Variants in PUS7L observed in about 807,000 individuals in gnomAD.
PUS7L encodes pseudouridine synthase 7 like.
PUS7L carries 49 observed loss-of-function variants against 51.1 expected under a neutral mutation model. The observed-to-expected ratio is 0.96, with a 90% CI of 0.76 to 1.22. The LOEUF is 1.22. Ranked by LOEUF, PUS7L falls within the 50% of genes most tolerant of loss-of-function variation. The pLI is 0.00. For synonymous variants in PUS7L, 277 were observed against 276.2 expected, an observed-to-expected ratio of 1.00 and a Z score of -0.03; for missense variants, 828 against 820.6, an observed-to-expected ratio of 1.01 and a Z score of -0.11.
At chr12:43,747,475 T>C (rs1938224415) in intron 3 of PUS7L, among the ~76,000 whole-genome samples, 2 of 151,946 alleles carry the variant, frequency 1.3e-5, no homozygotes, top group African/African-American at 2.4e-5. Flanking sequence ...GGGTGGATCA[T>C]CTGAAGTCAG....
At position 43,723,233 on chromosome 12, in the gene PUS7L, T is replaced by C. The variant is rs1280782001; in HGVS notation, c.*7143A>G. ...GCCTCAAAGTTGCTGAGAAAATGAA[T>C]TGCTTAAGAAGATTAGAGTCATTTT... On this transcript the variant is annotated 3_prime_UTR_variant, in exon 9 of 9. Transcript: ENST00000344862. The C allele has an allele frequency of 6.6e-6, 1 of 152,114 alleles. No individual in the cohort carries two copies. Among genetic ancestry groups the C allele is most frequent in the African/African-American group, 2.4e-5 (1 of 41,436 alleles). 9.4% of individuals were successfully genotyped at this position (152,114 alleles called of 1,614,324 possible).
Position 43,727,223 on chromosome 12 carries a change from A to G in PUS7L, c.*3153T>C, listed in dbSNP as rs780639073. Reference sequence around the variant, plus strand: ...GAGGCTGCAGAGAAAAGGGAATGCTATACACTGCTGATGGGAATATAAATT... The same window carrying G: ...GAGGCTGCAGAGAAAAGGGAATGCTGTACACTGCTGATGGGAATATAAATT... On this transcript the variant is annotated 3_prime_UTR_variant, in exon 9 of 9. Coordinates refer to ENST00000344862, the MANE Select transcript of PUS7L (RefSeq NM_031292.5). The G allele has an allele frequency of 2.0e-5, 3 of 152,304 alleles. No individual in the cohort carries two copies. In the East Asian group the frequency reaches 5.8e-4, roughly 29 times the overall value. The allele number at this position is 152,304 out of a possible 1,614,324, so 9.4% of individuals were successfully genotyped here.
chr12:43,751,169 G>C (rs1938421307), intron 2 of PUS7L, among the ~76,000 whole-genome samples: 1 of 151,316 alleles, frequency 6.6e-6, no homozygotes, highest in South Asian at 2.1e-4. Context: ...GGCTAGGGCT[G>C]CAGTTATTTA....
In PUS7L at chr12:43,730,415, A is replaced by G; in HGVS notation, c.2067T>C (p.Ala689=). 1 of 1,613,792 alleles carries G rather than the reference A, an allele frequency of 6.2e-7. No homozygotes were observed. Among genetic ancestry groups the G allele is most frequent in the Non-Finnish European group, 8.5e-7 (1 of 1,179,798 alleles). The change falls in exon 9 of 9, where the codon GCT becomes GCC. Residue 689 remains alanine (A), a synonymous_variant. Coordinates refer to ENST00000344862, the MANE Select transcript of PUS7L (RefSeq NM_031292.5). ...ISFDLDASCY[A]TVCLKEIMKH... ...TCATTATTTCCTTCAGACAAACGGT[A>G]GCATAGCATGAAGCATCAAGATCAA... is the stretch of plus-strand genomic sequence containing the variant.
intron 2 of PUS7L, among the ~76,000 whole-genome samples, chr12:43,750,235 C>T (rs1162198930): frequency 6.6e-6 from 1 of 152,084 alleles, no homozygotes; most frequent in Non-Finnish European, 1.5e-5. Flanking sequence ...GGTGGATAAG[C>T]ATTTTTTCAC....
rs1429126213 is a variant in PUS7L, at chr12:43,724,744, G to T, written c.*5632C>A. On this transcript the variant is annotated 3_prime_UTR_variant, in exon 9 of 9. Coordinates refer to ENST00000344862, the MANE Select transcript of PUS7L (RefSeq NM_031292.5). ...TCTCTGATTTCAGGGATTCTCAACT[G>T]TACCAGTATATTTCCCATACTCTAA... 6.6e-6 allele frequency: 1 copy of T among 152,056 alleles called. No homozygotes were observed. The highest frequency in any genetic ancestry group is 2.4e-5 in the African/African-American group (1 of 41,402). The allele number at this position is 152,056 out of a possible 1,614,324, so 9.4% of individuals were successfully genotyped here. A position where few individuals can be genotyped will look rare whatever the true frequency, so the allele number is the denominator to read the frequency against.
At chr12:43,750,004 C>A (rs768990206) in intron 2 of PUS7L, among the ~76,000 whole-genome samples, 1 of 152,122 alleles carries the variant, frequency 6.6e-6, no homozygotes, top group Non-Finnish European at 1.5e-5. Flanking sequence ...ACACAATATA[C>A]CCTTGTAACA....
chr12:43,754,924 C>T lies in PUS7L; in HGVS notation c.322G>A (p.Glu108Lys). ...DQNHQSGSEK[E>K]DTIVDGTSKC... ...GAAGTTCCATCAACGATAGTATCTT[C>T]CTTTTCTGAACCAGACTGATGATTT... Residue 108 changes from glutamate (E) to lysine (K), a missense_variant, in exon 2 of 9, where the codon GAA becomes AAA. Glu to Lys is a moderately conservative substitution (Grantham distance 56). Coordinates refer to ENST00000344862, the MANE Select transcript of PUS7L (RefSeq NM_031292.5). 1 of 1,613,864 alleles carries T rather than the reference C, an allele frequency of 6.2e-7. No individual in the cohort carries two copies. The highest frequency in any genetic ancestry group is 8.5e-7 in the Non-Finnish European group (1 of 1,179,852).
rs1435924461 is a variant in PUS7L at position 43,726,251 on chromosome 12, G to T, written c.*4125C>A. 6.6e-6 allele frequency: 1 copy of T among 152,132 alleles called. No individual in the cohort carries two copies. Among genetic ancestry groups the T allele is most frequent in the African/African-American group, 2.4e-5 (1 of 41,406 alleles). 9.4% of individuals were successfully genotyped at this position (152,132 alleles called of 1,614,324 possible). A position where few individuals can be genotyped will look rare whatever the true frequency, so the allele number is the denominator to read the frequency against. Reference sequence around the variant, plus strand: ...CAGAAATAAAGGCCACACACCTACAGCTACTTGATTTTTGTTAAAGTCAAC... The same window carrying T: ...CAGAAATAAAGGCCACACACCTACATCTACTTGATTTTTGTTAAAGTCAAC... On this transcript the variant is annotated 3_prime_UTR_variant, in exon 9 of 9. Coordinates refer to ENST00000344862, the MANE Select transcript of PUS7L (RefSeq NM_031292.5).
intron 4 of PUS7L, among the ~76,000 whole-genome samples, chr12:43,744,479 G>A (rs1000160876): frequency 1.3e-5 from 2 of 152,182 alleles, no homozygotes; most frequent in African/African-American, 4.8e-5. Context: ...GGTGCCTTCT[G>A]CCATGATTGT....
At chr12:43,750,312 T>C (rs1475187460) in intron 2 of PUS7L, among the ~76,000 whole-genome samples, 3 of 152,354 alleles carry the variant, frequency 2.0e-5, no homozygotes, top group Admixed American at 1.3e-4. Context: ...ATTGTATTAA[T>C]ATTAATCTGT....
In PUS7L at chr12:43,754,756, C is replaced by T. The variant is rs748795228; in HGVS notation, c.490G>A (p.Gly164Ser). 32 of 1,613,968 alleles carry T rather than the reference C, an allele frequency of 2.0e-5. No individual in the cohort carries two copies. The highest frequency in any genetic ancestry group is 2.6e-5 in the Non-Finnish European group (31 of 1,179,904). ...CTCTGGTTTTTGTCAAGGATTCTGC[C>T]TATTGAGAATTCAGGAGGTAGTCCA... ...LIGLPPEFSI[G>S]RILDKNQRAS... is the part of the protein sequence containing the mutation. Residue 164 changes from glycine (G) to serine (S), a missense_variant, in exon 2 of 9, where the codon GGC (glycine) becomes AGC (serine). Transcript: ENST00000344862.
chr12:43,743,766 A>G (rs1287650364), intron 4 of PUS7L, among the ~76,000 whole-genome samples: 1 of 152,342 alleles, frequency 6.6e-6, no homozygotes, highest in African/African-American at 2.4e-5. Context: ...CCGTCTCAAA[A>G]AAAAAAAAAT....
Position 43,730,475 on chromosome 12 carries a change from G to GT in PUS7L, c.2006dup (p.His669GlnfsTer3). 6.2e-7 allele frequency: 1 copy of GT among 1,613,732 alleles called. No homozygotes were observed. Among genetic ancestry groups the GT allele is most frequent in the Non-Finnish European group, 8.5e-7 (1 of 1,179,712 alleles). On this transcript the variant is annotated frameshift_variant, in exon 9 of 9. Transcript: ENST00000344862. LOFTEE classifies it high-confidence loss of function. The stretch of plus-strand genomic sequence containing the variant: ...AAAGAGACAAAGCTGTTTCATCAAT[G>GT]TGGGAACCTTTCGTTTTGACATCAA...
rs1461399068 is a variant in PUS7L at position 43,723,788 on chromosome 12, GA to G, written c.*6587del. ...AAAACAGATTAAAACAGTACTATAA[GA>G]GAATCTTTCTGAAACTAGAAAGCAA... On this transcript the variant is annotated 3_prime_UTR_variant, in exon 9 of 9. Transcript: ENST00000344862. The G allele has an allele frequency of 1.3e-5, 2 of 152,126 alleles. No individual in the cohort carries two copies. The highest frequency in any genetic ancestry group is 6.5e-5 in the Admixed American group (1 of 15,288). 9.4% of individuals were successfully genotyped at this position (152,126 alleles called of 1,614,324 possible).
chr12:43,754,681 C>T lies in PUS7L; in HGVS notation c.565G>A (p.Val189Ile). ...ACAACAATTTCACTGTTTTTTCCTA[C>T]AGTTACTAAAAATGGAAATTTCTGC... ...IRQKFPFLVT[V>I]GKNSEIVVKP... The change falls in exon 2 of 9, where the codon GTA (valine) becomes ATA (isoleucine). Residue 189 changes from valine (V) to isoleucine (I), a missense_variant. Transcript: ENST00000344862. The T allele has an allele frequency of 1.9e-6, 3 of 1,613,768 alleles. No individual in the cohort carries two copies. The highest frequency in any genetic ancestry group is 2.5e-6 in the Non-Finnish European group (3 of 1,179,792).
At chr12:43,731,790 T>C (rs1944561788) in intron 7 of PUS7L, 32 bp from the exon 8 acceptor site, 1 of 1,297,628 alleles carries the variant, frequency 7.7e-7, no homozygotes, top group Non-Finnish European at 1.1e-6. Flanking sequence ...ATATGAATGA[T>C]TCCCAAATGT....
chr12:43,736,352 T>C, intron 7 of PUS7L, 29 bp downstream of exon 7: 3 of 1,599,326 alleles, frequency 1.9e-6, no homozygotes, highest in Non-Finnish European at 2.6e-6. Flanking sequence ...GTAACTACTC[T>C]TGGAAAACTC....
At chr12:43,752,420 T>C (rs1205145076) in intron 2 of PUS7L, among the ~76,000 whole-genome samples, 5 of 152,234 alleles carry the variant, frequency 3.3e-5, no homozygotes, top group Non-Finnish European at 5.9e-5. Context: ...CTCAAATTCT[T>C]TCCAAGTTCC....
Sources: gnomAD v4.1 joint callset for allele counts (sites outside exome capture counted in the v4.1 genomes callset) on GRCh38, gnomAD v4.1.1 for gene constraint, MANE v1.5 for transcripts, NCBI Gene and HGNC (gene_info 2026-07-23, HGNC 2026-07-21) for gene names.